Variants in ATXN1 observed in about 807,000 individuals in gnomAD.
The protein encoded by ATXN1 is ataxin 1.
ATXN1 carries 8 observed loss-of-function variants against 56.4 expected under a neutral mutation model. The observed-to-expected ratio is 0.14, with a 90% confidence interval of 0.08 to 0.26. The LOEUF is 0.26. Ranked by LOEUF, ATXN1 falls within the 10% of genes least tolerant of loss-of-function variation. The pLI is 1.00. For synonymous variants in ATXN1, 514 were observed against 494.6 expected (o/e 1.04, Z -0.52); for missense variants, 987 against 1,106.5 (o/e 0.89, Z 1.53).
intron 5 of ATXN1, among the ~76,000 whole-genome samples, chr6:16,516,875 T>G (rs1761192783): frequency 6.6e-6 from 1 of 152,196 alleles, no homozygotes; most frequent in African/African-American, 2.4e-5. Flanking sequence ...GGCTTGTACT[T>G]TCAGGGCTTA....
intron 3 of ATXN1, among the ~76,000 whole-genome samples, chr6:16,643,609 A>G (rs1763747970): frequency 1.4e-5 from 2 of 146,130 alleles, no homozygotes; most frequent in South Asian, 4.5e-4. Context: ...AGCCTGGGAG[A>G]CAAGAGTGAG....
In ATXN1 at chr6:16,326,359, G is replaced by A. The variant is rs370808101; in HGVS notation, c.1917+35C>T. The A allele has an allele frequency of 6.2e-7, 1 of 1,606,540 alleles. No homozygotes were observed. Among genetic ancestry groups the A allele is most frequent in the African/African-American group, 1.3e-5 (1 of 74,746 alleles). ...GAGATGATGATGGCATCACGGTGTG[G>A]TGTCCCATCCCTGTGCCACCCTGGC... On this transcript the variant is annotated intron_variant, in intron 7 of 7. Coordinates refer to ENST00000436367, the MANE Select transcript of ATXN1 (RefSeq NM_001128164.2). This position sits in a 1 kb window ranked among gnomAD's most constrained non-coding sequence, Gnocchi z 6.6.
Position 16,616,455 on chromosome 6 carries a change from A to G in ATXN1, c.-488-30548T>C, listed in dbSNP as rs747847315. Among the ~76,000 whole-genome samples, 9 of 151,078 alleles carry G rather than the reference A, an allele frequency of 6.0e-5. No homozygotes were observed. In the South Asian group the frequency reaches 6.3e-4, roughly 11 times the overall value. On this transcript the variant is annotated intron_variant, in intron 3 of 7. Transcript: ENST00000436367. ...CTTGGGAGGCTGAGACAGAAGAATC[A>G]CTTGAACCTGGGAGGCAGAGGCTGC...
At chr6:16,376,797 C>T (rs777456245) in intron 6 of ATXN1, among the ~76,000 whole-genome samples, 1 of 152,080 alleles carries the variant, frequency 6.6e-6, no homozygotes, top group Non-Finnish European at 1.5e-5. Context: ...ATGTTGATAC[C>T]AAATTCTACT....
chr6:16,500,994 A>G (rs1455276187), intron 5 of ATXN1, among the ~76,000 whole-genome samples: 1 of 152,222 alleles, frequency 6.6e-6, no homozygotes, highest in Non-Finnish European at 1.5e-5. Context: ...AACAAATCAG[A>G]ATTGGTAAAA....
intron 2 of ATXN1, among the ~76,000 whole-genome samples, chr6:16,675,891 A>T (rs370437115): frequency 6.6e-6 from 1 of 152,238 alleles, no homozygotes; most frequent in South Asian, 2.1e-4. Flanking sequence ...TCTTTCTCAA[A>T]AAATAAATAA....
chr6:16,672,602 A>G (rs919994163), intron 2 of ATXN1, among the ~76,000 whole-genome samples: 4 of 152,214 alleles, frequency 2.6e-5, no homozygotes, highest in South Asian at 2.1e-4. Flanking sequence ...AAAGTCTGAG[A>G]AGGAGGAAGA....
intron 6 of ATXN1, among the ~76,000 whole-genome samples, chr6:16,397,886 C>T (rs35373534): frequency 0.062 from 9,400 of 152,228 alleles, 310 homozygotes; most frequent in Middle Eastern, 0.099. Context: ...CAGAATTTGA[C>T]GGATTACCTC....
chr6:16,545,670 T>G (rs1182529410), intron 4 of ATXN1, among the ~76,000 whole-genome samples: 1 of 152,212 alleles, frequency 6.6e-6, no homozygotes, highest in Non-Finnish European at 1.5e-5. Context: ...AATTAGCTTC[T>G]CAGTTTCAAA....
chr6:16,356,396 G>A (rs991873041), intron 6 of ATXN1, among the ~76,000 whole-genome samples: 7 of 152,166 alleles, frequency 4.6e-5, no homozygotes, highest in Non-Finnish European at 8.8e-5. Context: ...AATGGAACAG[G>A]GCTGTATTTA....
intron 2 of ATXN1, among the ~76,000 whole-genome samples, chr6:16,725,189 T>G (rs1214459293): frequency 6.6e-6 from 1 of 152,222 alleles, no homozygotes; most frequent in Non-Finnish European, 1.5e-5. Context: ...ATGGTGTGTC[T>G]TGCTTGTAAT....
intron 5 of ATXN1, among the ~76,000 whole-genome samples, chr6:16,493,761 G>T (rs1410403110): frequency 6.6e-6 from 1 of 152,184 alleles, no homozygotes; most frequent in African/African-American, 2.4e-5. Flanking sequence ...GAAGAGGACA[G>T]GTGTTCAAAT....
chr6:16,367,372 A>G (rs1162283686), intron 6 of ATXN1, among the ~76,000 whole-genome samples: 1 of 151,966 alleles, frequency 6.6e-6, no homozygotes, highest in Non-Finnish European at 1.5e-5. Context: ...TCACACACAC[A>G]CACACACACA....
chr6:16,375,672 T>A (rs1337854220), intron 6 of ATXN1, among the ~76,000 whole-genome samples: 8 of 152,240 alleles, frequency 5.3e-5, no homozygotes, highest in African/African-American at 1.9e-4. Flanking sequence ...ATCTTTATTT[T>A]TTTTTTTCCT....
intron 3 of ATXN1, among the ~76,000 whole-genome samples, chr6:16,655,482 G>A (rs1485044119): frequency 2.6e-5 from 4 of 152,138 alleles, no homozygotes; most frequent in African/African-American, 9.7e-5. Context: ...AACACTAACA[G>A]AACAACACAT....
At chr6:16,430,388 T>C (rs1300980724) in intron 6 of ATXN1, among the ~76,000 whole-genome samples, 1 of 151,332 alleles carries the variant, frequency 6.6e-6, no homozygotes, top group African/African-American at 2.4e-5. Flanking sequence ...CGACCACTAG[T>C]TATTAACAGC....
intron 6 of ATXN1, among the ~76,000 whole-genome samples, chr6:16,341,997 T>C (rs1364763379): frequency 6.7e-6 from 1 of 148,868 alleles, no homozygotes; most frequent in African/African-American, 2.5e-5. Flanking sequence ...TGCCTCAGCC[T>C]CCCAAGTAGT....
chr6:16,325,118 GT>G (rs11326648), intron 7 of ATXN1, among the ~76,000 whole-genome samples: 53,815 of 143,744 alleles, frequency 0.37, 9,653 homozygotes, highest in Admixed American at 0.4. Context: ...CCTTCCATCT[GT>G]TTTTTTTTTT....
At chr6:16,726,952 A>T (rs965143114) in intron 2 of ATXN1, among the ~76,000 whole-genome samples, 4 of 152,226 alleles carry the variant, frequency 2.6e-5, no homozygotes, top group African/African-American at 9.6e-5. Context: ...GACACTGAAC[A>T]TACTACTTTC....
Sources: gnomAD v4.1 joint callset for allele counts (sites outside exome capture counted in the v4.1 genomes callset) on GRCh38, gnomAD v4.1.1 for gene constraint, Gnocchi (gnomAD v3.1) non-coding constraint, MANE v1.5 for transcripts, NCBI Gene and HGNC (gene_info 2026-07-23, HGNC 2026-07-21) for gene names.